The following PCDHGA6 variants were observed in gnomAD, a reference collection of about 807,000 sequenced individuals.
PCDHGA6 encodes protocadherin gamma subfamily A, 6.
In PCDHGA6, 41 loss-of-function variants were observed where a neutral mutation model predicts 60.6. The observed-to-expected ratio is 0.68, with a 90% CI of 0.53 to 0.88. PCDHGA6 has a LOEUF of 0.88. PCDHGA6 is among the 40% of genes least tolerant of loss of function. The probability of loss-of-function intolerance (pLI) is 0.00; values close to 1 mark genes in which losing one functional copy is unlikely to be tolerated. For synonymous variants in PCDHGA6, 594 were observed against 524.4 expected (o/e 1.13, Z -1.81); for missense variants, 1,312 against 1,203.0 (o/e 1.09, Z -1.34).
intron 1 of PCDHGA6, chr5:141,379,705 C>T (rs1775757725): frequency 6.6e-6 from 1 of 152,118 alleles, no homozygotes; most frequent in South Asian, 2.1e-4. Context: ...GTTAAACATC[C>T]TGGCAGTCAT....
At position 141,477,210 on chromosome 5, in the gene PCDHGA6, C is replaced by A. The variant is rs780852225; in HGVS notation, c.2425-17597C>A. On this transcript the variant is annotated intron_variant, in intron 1 of 3. Transcript: ENST00000517434. This position sits in a 1 kb window ranked among gnomAD's most constrained non-coding sequence, Gnocchi z 4.9. ...GTGTACAGCCCAGTACCCGAGGATG[C>A]CCCTCTGGGGACTGTCATCGCTTTG... The A allele has an allele frequency of 6.2e-7, 1 of 1,614,142 alleles. No homozygotes were observed. The highest frequency in any genetic ancestry group is 8.5e-7 in the Non-Finnish European group (1 of 1,180,030).
chr5:141,451,237 A>G (rs1405567593), intron 1 of PCDHGA6, among the ~76,000 whole-genome samples: 1 of 152,198 alleles, frequency 6.6e-6, no homozygotes, highest in Non-Finnish European at 1.5e-5. Context: ...TTATTATCTC[A>G]TAAATTTTGT....
At position 141,376,453 on chromosome 5, in the gene PCDHGA6, T is replaced by G. The variant is rs779136467; in HGVS notation, c.2370T>G (p.Pro790=). The change falls in exon 1 of 4, where the codon CCT becomes CCG. Residue 790 remains proline, a synonymous_variant. Transcript: ENST00000517434. ...AGGAGAGCTATGAGAAAAGCGAGCC[T>G]CTTCTGATAACTCAGGATTTACTTG... ...INQESYEKSE[P]LLITQDLLET... The G allele has an allele frequency of 1.9e-6, 3 of 1,614,166 alleles. No homozygotes were observed. The South Asian group carries it at 3.3e-5, about 18-fold the overall frequency.
At chr5:141,464,134 G>A (rs1270558696) in intron 1 of PCDHGA6, among the ~76,000 whole-genome samples, 1 of 151,944 alleles carries the variant, frequency 6.6e-6, no homozygotes, top group Admixed American at 6.6e-5. Context: ...GTGTGGTGGT[G>A]GGCGCCTGTA....
At chr5:141,404,296 T>C in intron 1 of PCDHGA6, 1 of 1,613,946 alleles carries the variant, frequency 6.2e-7, no homozygotes, top group Non-Finnish European at 8.5e-7. Flanking sequence ...TCAATGATAA[T>C]CCACCTGCTT....
chr5:141,456,093 T>G (rs1362649283), intron 1 of PCDHGA6, among the ~76,000 whole-genome samples: 1 of 151,986 alleles, frequency 6.6e-6, no homozygotes, highest in Non-Finnish European at 1.5e-5. Context: ...GAGACGGGAT[T>G]TCACCGTGTT....
intron 1 of PCDHGA6, among the ~76,000 whole-genome samples, chr5:141,448,180 G>C (rs961721974): frequency 1.3e-5 from 2 of 151,998 alleles, no homozygotes; most frequent in African/African-American, 2.4e-5. Flanking sequence ...TTCATCCCTG[G>C]TTATGTACAC....
intron 1 of PCDHGA6, among the ~76,000 whole-genome samples, chr5:141,407,170 AC>A (rs2154538102): frequency 6.6e-6 from 1 of 152,368 alleles, no homozygotes; most frequent in Admixed American, 6.5e-5. Flanking sequence ...ATCCTTTATG[AC>A]ATACAGACAT....
chr5:141,451,606 G>A (rs2098720118), intron 1 of PCDHGA6, among the ~76,000 whole-genome samples: 1 of 152,152 alleles, frequency 6.6e-6, no homozygotes, highest in Admixed American at 6.5e-5. Flanking sequence ...ACAAGGCTAG[G>A]CATGGTGGCT....
rs371979287 is a variant in PCDHGA6, at chr5:141,384,185, C to A, written c.2424+7678C>A. On this transcript the variant is annotated intron_variant, in intron 1 of 3. Transcript: ENST00000517434. Reference sequence around the variant, plus strand: ...ACACTGAAAGCCACAGATGGTGGAACTCCTCCCTTGTCCAGGGAAACTCAC... The same window carrying A: ...ACACTGAAAGCCACAGATGGTGGAAATCCTCCCTTGTCCAGGGAAACTCAC... The A allele has an allele frequency of 6.2e-7, 1 of 1,613,718 alleles. No homozygotes were observed. Among genetic ancestry groups the A allele is most frequent in the Non-Finnish European group, 8.5e-7 (1 of 1,179,848 alleles).
chr5:141,459,068 A>G (rs1278498678), intron 1 of PCDHGA6, among the ~76,000 whole-genome samples: 1 of 152,226 alleles, frequency 6.6e-6, no homozygotes, highest in African/African-American at 2.4e-5. Flanking sequence ...TATATAACAT[A>G]AAATTTGCCT....
intron 1 of PCDHGA6, chr5:141,388,386 C>G: frequency 6.2e-7 from 1 of 1,613,944 alleles, no homozygotes; most frequent in Non-Finnish European, 8.5e-7. Flanking sequence ...CAACACACTG[C>G]AGAATTACCA....
chr5:141,465,800 C>T (rs1486100601), intron 1 of PCDHGA6, among the ~76,000 whole-genome samples: 1 of 151,524 alleles, frequency 6.6e-6, no homozygotes, highest in African/African-American at 2.4e-5. Flanking sequence ...TTTAAGAAAC[C>T]CTTCAGGATC....
chr5:141,404,800 C>G (rs369141362), intron 1 of PCDHGA6: 3 of 1,613,970 alleles, frequency 1.9e-6, no homozygotes, highest in Middle Eastern at 1.6e-4. Context: ...AGCCAGGGCT[C>G]TTCTCGGTGG....
At chr5:141,509,823 TTCTC>T (rs2099878456) in intron 3 of PCDHGA6, among the ~76,000 whole-genome samples, 1 of 152,170 alleles carries the variant, frequency 6.6e-6, no homozygotes, top group Non-Finnish European at 1.5e-5. Flanking sequence ...CTTCTCCATC[TTCTC>T]TCTACCTCCC....
At position 141,487,501 on chromosome 5, in the gene PCDHGA6, T is replaced by C. The variant is rs746285663; in HGVS notation, c.2425-7306T>C. 1.2e-6 allele frequency: 2 copies of C among 1,614,232 alleles called. No individual in the cohort carries two copies. The highest frequency in any genetic ancestry group is 3.3e-5 in the Admixed American group (2 of 60,028). ...ACTCTCATGGCTGTACACCCTTGGC[T>C]TCTGCACCCACTCGGAGTGATAGCT... On this transcript the variant is annotated intron_variant, in intron 1 of 3. Coordinates refer to ENST00000517434, the MANE Select transcript of PCDHGA6 (RefSeq NM_018919.3). The surrounding 1 kb of genome is among the most constrained non-coding windows in gnomAD (Gnocchi z 5.0).
intron 1 of PCDHGA6, chr5:141,410,295 T>G (rs1043971768): frequency 9.3e-6 from 15 of 1,613,864 alleles, no homozygotes; most frequent in Non-Finnish European, 1.3e-5. Context: ...GCCTTGGCCT[T>G]AATCTCAGTG....
chr5:141,497,239 G>A (rs2099775226), intron 2 of PCDHGA6, among the ~76,000 whole-genome samples: 1 of 152,104 alleles, frequency 6.6e-6, no homozygotes, highest in Admixed American at 6.5e-5. Flanking sequence ...AAGGCTTCTA[G>A]GAGGAGGTGA....
chr5:141,432,137 T>A lies in PCDHGA6; in HGVS notation c.2424+55630T>A. On this transcript the variant is annotated intron_variant, in intron 1 of 3. Coordinates refer to ENST00000517434, the MANE Select transcript of PCDHGA6 (RefSeq NM_018919.3). The surrounding 1 kb of genome is among the most constrained non-coding windows in gnomAD (Gnocchi z 6.0). ...CTTCCCTCAGGCCTCCTATTCCGCT[T>A]ATATCCCAGAGAACAATCCCAGAGG... 6.2e-7 allele frequency: 1 copy of A among 1,613,964 alleles called. No homozygotes were observed. Among genetic ancestry groups the A allele is most frequent in the Non-Finnish European group, 8.5e-7 (1 of 1,179,984 alleles).
Sources: gnomAD v4.1 joint callset for allele counts (sites outside exome capture counted in the v4.1 genomes callset) on GRCh38, gnomAD v4.1.1 for gene constraint, Gnocchi (gnomAD v3.1) non-coding constraint, MANE v1.5 for transcripts, NCBI Gene and HGNC (gene_info 2026-07-23, HGNC 2026-07-21) for gene names.